Variants in FAM120C observed in about 807,000 individuals in gnomAD.
The protein encoded by FAM120C is constitutive coactivator of PPAR-gamma-like protein 2.
FAM120C carries 14 observed loss-of-function variants against 71.2 expected under a neutral mutation model. The observed-to-expected ratio is 0.20, with a 90% CI of 0.13 to 0.31. The LOEUF (loss-of-function observed/expected upper bound fraction) is 0.31. Ranked by LOEUF, FAM120C falls within the 10% of genes least tolerant of loss-of-function variation. The pLI is 1.00. For missense variants in FAM120C, 500 were observed against 879.0 expected (o/e 0.57, Z 5.45); for synonymous variants, 354 against 353.2 (o/e 1.00, Z -0.03).
intron 10 of FAM120C, among the ~76,000 whole-genome samples, chrX:54,108,886 C>T (rs1271200901): frequency 4.7e-5 from 4 of 84,272 alleles, no homozygotes; most frequent in Non-Finnish European, 6.9e-5. Context: ...GCTGAGATCG[C>T]GCCACTGCAC....
intron 1 of FAM120C, among the ~76,000 whole-genome samples, chrX:54,178,757 C>T (rs2067331751): frequency 8.9e-6 from 1 of 111,792 alleles, no homozygotes; most frequent in Non-Finnish European, 1.9e-5. Context: ...GCATAGCAGC[C>T]ATTGCTTTAT....
At chrX:54,093,248 T>C (rs1265479142) in intron 10 of FAM120C, among the ~76,000 whole-genome samples, 1 of 112,129 alleles carries the variant, frequency 8.9e-6, no homozygotes, top group Admixed American at 9.6e-5. Context: ...GTACCAGTCA[T>C]ATCCTGAACC....
chrX:54,167,803 TAA>T (rs782012640), intron 1 of FAM120C, among the ~76,000 whole-genome samples: 15 of 97,321 alleles, frequency 1.5e-4, no homozygotes, highest in African/African-American at 4.3e-4. Context: ...CGTCTCTATT[TAA>T]AAAAAAAAAA....
Position 54,130,034 on chromosome X carries a change from GGGGAGA to G in FAM120C, c.2062+2652_2062+2657del, listed in dbSNP as rs1207217002. On this transcript the variant is annotated intron_variant, in intron 9 of 15. Transcript: ENST00000375180. Reference sequence around the variant, plus strand: ...GGAAAGAGAGGGAGAGGGAGACCCTGGGGAGAGGGAGAGGGAGAGGGAGAGGGACAC... The same window carrying G: ...GGAAAGAGAGGGAGAGGGAGACCCTGGGGAGAGGGAGAGGGAGAGGGACAC... Among the ~76,000 whole-genome samples the G allele has an allele frequency of 6.7e-3, 659 of 97,968 alleles. 12 individuals carry two copies. The highest frequency in any genetic ancestry group is 0.023 in the African/African-American group (589 of 26,133). 85.1% of individuals were successfully genotyped at this position (97,968 alleles called of 115,157 possible).
intron 3 of FAM120C, 92 bp from the exon 4 acceptor site, chrX:54,151,465 T>C: frequency 1.0e-6 from 1 of 982,041 alleles, no homozygotes; most frequent in Non-Finnish European, 1.4e-6. Context: ...AATTCACATT[T>C]GGTAAATCCA....
chrX:54,131,873 C>T (rs782644688), intron 9 of FAM120C, among the ~76,000 whole-genome samples: 146 of 109,521 alleles, frequency 1.3e-3, no homozygotes, highest in African/African-American at 4.5e-3. Context: ...GCCATTCTCC[C>T]GAGTAGCTGG....
chrX:54,085,390 C>G (rs781935678), intron 13 of FAM120C, among the ~76,000 whole-genome samples: 4 of 111,757 alleles, frequency 3.6e-5, no homozygotes, highest in Middle Eastern at 4.6e-3. Flanking sequence ...GAGTTCGAGA[C>G]CAGCCTGACC....
At chrX:54,128,951 A>C (rs1249468377) in intron 9 of FAM120C, among the ~76,000 whole-genome samples, 9 of 109,973 alleles carry the variant, frequency 8.2e-5, no homozygotes, top group Non-Finnish European at 1.7e-4. Flanking sequence ...CAAAACCGCC[A>C]TTGTCATCAT....
chrX:54,079,862 A>T (rs1057215867), intron 15 of FAM120C, among the ~76,000 whole-genome samples: 20 of 111,525 alleles, frequency 1.8e-4, no homozygotes, highest in South Asian at 3.7e-4. Context: ...AAGAAGTCCA[A>T]TTTTTTAAGC....
rs2066703116 is a variant in FAM120C, at chrX:54,070,050, T to C, written c.*2983A>G. On this transcript the variant is annotated 3_prime_UTR_variant, in exon 16 of 16. Coordinates refer to ENST00000375180, the MANE Select transcript of FAM120C (RefSeq NM_017848.6). ...GAACCTCAGGTGAAGGATGACAGTCTCTTCAAGTGGTGAAGCAAAGATCAG... is the reference window on the plus strand; with the variant it reads ...GAACCTCAGGTGAAGGATGACAGTCCCTTCAAGTGGTGAAGCAAAGATCAG... The C allele has an allele frequency of 8.9e-6, 1 of 111,974 alleles. No individual in the cohort carries two copies. Among genetic ancestry groups the C allele is most frequent in the Non-Finnish European group, 1.9e-5 (1 of 53,192 alleles). The allele number at this position is 111,974 out of a possible 1,213,427, so 9.2% of individuals were successfully genotyped here.
chrX:54,084,863 CAT>C (rs1557121764), intron 13 of FAM120C, among the ~76,000 whole-genome samples: 2 of 111,745 alleles, frequency 1.8e-5, no homozygotes, highest in African/African-American at 3.3e-5. Flanking sequence ...TTTGTGTGTA[CAT>C]ATGTGTGTGT....
chrX:54,118,691 CTTTTTT>C (rs1225428604), intron 9 of FAM120C, among the ~76,000 whole-genome samples: 1 of 34,638 alleles, frequency 2.9e-5, no homozygotes, highest in African/African-American at 1.1e-4. Flanking sequence ...TTGTATTTTT[CTTTTTT>C]TCTTTTTTTT....
intron 10 of FAM120C, among the ~76,000 whole-genome samples, chrX:54,091,757 G>A (rs2066825308): frequency 9.0e-6 from 1 of 111,673 alleles, no homozygotes; most frequent in African/African-American, 3.3e-5. Flanking sequence ...AGTTTCAAAG[G>A]GCCTGTAGAA....
chrX:54,084,504 C>T (rs782689788), intron 13 of FAM120C, among the ~76,000 whole-genome samples: 21 of 112,281 alleles, frequency 1.9e-4, no homozygotes, highest in Admixed American at 1.6e-3. Flanking sequence ...CAGAATCTTG[C>T]TATTTTATGT....
At chrX:54,086,374 C>T (rs1271478439) in intron 12 of FAM120C, among the ~76,000 whole-genome samples, 1 of 112,060 alleles carries the variant, frequency 8.9e-6, no homozygotes, top group Non-Finnish European at 1.9e-5. Context: ...CAAACTTCTT[C>T]TGAAAAGGGT....
intron 10 of FAM120C, among the ~76,000 whole-genome samples, chrX:54,108,765 TAC>T (rs1430191217): frequency 1.8e-5 from 2 of 109,359 alleles, no homozygotes; most frequent in African/African-American, 6.7e-5. Context: ...ACCCGGTCTC[TAC>T]AAAAATACAA....
chrX:54,132,018 C>T (rs1338424636), intron 9 of FAM120C, among the ~76,000 whole-genome samples: 2 of 109,741 alleles, frequency 1.8e-5, no homozygotes, highest in Non-Finnish European at 1.9e-5. Flanking sequence ...TCCCAAAGTG[C>T]TGGGATTACA....
chrX:54,105,374 A>T (rs1481023518), intron 10 of FAM120C, among the ~76,000 whole-genome samples: 3 of 111,151 alleles, frequency 2.7e-5, no homozygotes, highest in Non-Finnish European at 5.6e-5. Context: ...CATGCTAAAA[A>T]CTCTCAATAA....
At position 54,135,712 on chromosome X, in the gene FAM120C, C is replaced by A; in HGVS notation, c.1259-108G>T. On this transcript the variant is annotated intron_variant, in intron 5 of 15. Transcript: ENST00000375180. ...AAAAGTGTTATTAATAAATAAGTTA[C>A]AATTTATTGAACAGCTACTATGTGC... 5.3e-6 allele frequency: 3 copies of A among 567,877 alleles called. No homozygotes were observed. In the East Asian group the frequency reaches 1.1e-4, roughly 21 times the overall value. The allele number at this position is 567,877 out of a possible 1,213,427, so 46.8% of individuals were successfully genotyped here.
Sources: gnomAD v4.1 joint callset for allele counts (sites outside exome capture counted in the v4.1 genomes callset) on GRCh38, gnomAD v4.1.1 for gene constraint, MANE v1.5 for transcripts, NCBI Gene and HGNC (gene_info 2026-07-23, HGNC 2026-07-21) for gene names.